UBR3: variants seen among roughly 807,000 people sequenced by gnomAD.
The protein encoded by UBR3 is ubiquitin protein ligase E3 component n-recognin 3.
A neutral mutation model predicts 243.2 loss-of-function variants in UBR3; 85 were observed. That is an observed-to-expected ratio of 0.35 (90% CI 0.29 to 0.42). The LOEUF (loss-of-function observed/expected upper bound fraction) is 0.42. Among genes scored for constraint, UBR3 ranks in the 10% least tolerant of loss-of-function variants. UBR3 has a pLI of 1.00. For synonymous variants in UBR3, 748 were observed against 799.8 expected, an observed-to-expected ratio of 0.94 and a Z score of 1.09; for missense variants, 1,686 against 2,300.8, an observed-to-expected ratio of 0.73 and a Z score of 5.47.
intron 5 of UBR3, among the ~76,000 whole-genome samples, chr2:169,879,900 A>T (rs2105315476): frequency 6.6e-6 from 1 of 152,240 alleles, no homozygotes; most frequent in East Asian, 1.9e-4. Context: ...TTTCAAAAAC[A>T]TATAAACATT....
chr2:170,033,338 G>A (rs1047786891), intron 31 of UBR3, among the ~76,000 whole-genome samples: 8 of 151,704 alleles, frequency 5.3e-5, no homozygotes, highest in African/African-American at 7.3e-5. Flanking sequence ...TCATTTAATC[G>A]TCAATAATAA....
intron 31 of UBR3, among the ~76,000 whole-genome samples, chr2:170,031,822 AG>A (rs2090679709): frequency 6.6e-6 from 1 of 152,182 alleles, no homozygotes; most frequent in Non-Finnish European, 1.5e-5. Flanking sequence ...CATGGCCTCC[AG>A]CTGCATCCAT....
chr2:169,974,819 C>T (rs1456100299), intron 24 of UBR3, among the ~76,000 whole-genome samples: 1 of 152,098 alleles, frequency 6.6e-6, no homozygotes, highest in Non-Finnish European at 1.5e-5. Flanking sequence ...TTTAATTCTA[C>T]TTTTGCTGTA....
chr2:169,931,739 A>G (rs562244819), intron 18 of UBR3, among the ~76,000 whole-genome samples: 7 of 152,234 alleles, frequency 4.6e-5, no homozygotes, highest in African/African-American at 1.7e-4. Flanking sequence ...GTATTTCACT[A>G]TTTTTTAAAA....
intron 33 of UBR3, among the ~76,000 whole-genome samples, chr2:170,057,443 T>A (rs1257146451): frequency 6.6e-6 from 1 of 152,196 alleles, no homozygotes; most frequent in Non-Finnish European, 1.5e-5. Flanking sequence ...ATTCTTTTAA[T>A]TTTTCTGACT....
intron 1 of UBR3, among the ~76,000 whole-genome samples, chr2:169,866,500 T>C (rs2083269938): frequency 6.6e-6 from 1 of 151,888 alleles, no homozygotes; most frequent in Non-Finnish European, 1.5e-5. Context: ...ATAGCTGGGA[T>C]TACAGGCATA....
At chr2:169,909,066 G>C (rs1390086165) in intron 10 of UBR3, among the ~76,000 whole-genome samples, 1 of 151,744 alleles carries the variant, frequency 6.6e-6, no homozygotes, top group Non-Finnish European at 1.5e-5. Flanking sequence ...CTCGTGATCC[G>C]CCTGCCTCGG....
chr2:170,036,849 C>G (rs2090845064), intron 31 of UBR3, among the ~76,000 whole-genome samples: 1 of 152,012 alleles, frequency 6.6e-6, no homozygotes, highest in Non-Finnish European at 1.5e-5. Context: ...TTTCATGTAG[C>G]CAGATCAATC....
chr2:170,083,524 A>T lies in UBR3; in HGVS notation c.*1681A>T, dbSNP rs952173510. Reference sequence around the variant, plus strand: ...TTTTGCATTGATCGTTATGAATACCAGACCATTTGTAAGTGTGGTTGAAGA... The same window carrying T: ...TTTTGCATTGATCGTTATGAATACCTGACCATTTGTAAGTGTGGTTGAAGA... On this transcript the variant is annotated 3_prime_UTR_variant, in exon 39 of 39. Coordinates refer to ENST00000272793, the MANE Select transcript of UBR3 (RefSeq NM_172070.4). 1 of 152,602 alleles carries T rather than the reference A, an allele frequency of 6.6e-6. No homozygotes were observed. Among genetic ancestry groups the T allele is most frequent in the Non-Finnish European group, 1.5e-5 (1 of 68,008 alleles). 9.5% of individuals were successfully genotyped at this position (152,602 alleles called of 1,614,324 possible).
intron 1 of UBR3, among the ~76,000 whole-genome samples, chr2:169,835,936 C>T (rs1322896924): frequency 6.7e-6 from 1 of 148,896 alleles, no homozygotes; most frequent in Non-Finnish European, 1.5e-5. Flanking sequence ...ACCCACCTTT[C>T]CCTTTCTCTT....
intron 31 of UBR3, among the ~76,000 whole-genome samples, chr2:170,030,781 C>T (rs761031666): frequency 3.3e-5 from 5 of 152,002 alleles, no homozygotes; most frequent in Non-Finnish European, 5.9e-5. Context: ...TATTTAAAGA[C>T]TGCTTTTTTC....
chr2:170,063,466 CTTTG>C (rs137927907), intron 35 of UBR3, among the ~76,000 whole-genome samples: 27,369 of 151,930 alleles, frequency 0.18, 2,668 homozygotes, highest in South Asian at 0.35. Flanking sequence ...TGTAATCTTA[CTTTG>C]TTTGTGTATA....
chr2:169,866,400 G>C (rs1048355364), intron 1 of UBR3, among the ~76,000 whole-genome samples: 4 of 149,646 alleles, frequency 2.7e-5, no homozygotes, highest in African/African-American at 9.9e-5. Flanking sequence ...GTCTTGCTCT[G>C]TCATCCAGGC....
intron 5 of UBR3, among the ~76,000 whole-genome samples, chr2:169,880,170 C>G (rs1297595405): frequency 6.6e-6 from 1 of 152,042 alleles, no homozygotes; most frequent in Non-Finnish European, 1.5e-5. Flanking sequence ...GAGCAGGGGT[C>G]TTATATCTGT....
intron 31 of UBR3, among the ~76,000 whole-genome samples, chr2:170,030,233 TC>T (rs1289117869): frequency 3.3e-5 from 5 of 152,152 alleles, no homozygotes; most frequent in Non-Finnish European, 5.9e-5. Context: ...ATCCTCACTT[TC>T]TGGTACAAGT....
At chr2:169,931,250 C>T (rs2086112793) in intron 18 of UBR3, among the ~76,000 whole-genome samples, 1 of 146,996 alleles carries the variant, frequency 6.8e-6, no homozygotes, top group African/African-American at 2.5e-5. Context: ...ACTCAGGAGG[C>T]TGAGGCAGGA....
intron 35 of UBR3, among the ~76,000 whole-genome samples, chr2:170,068,190 G>T (rs928854518): frequency 2.6e-5 from 4 of 152,092 alleles, no homozygotes; most frequent in Admixed American, 2.6e-4. Context: ...AAAAAGAAGG[G>T]CCAGGCACAG....
At chr2:170,075,246 A>G (rs1039813670) in intron 36 of UBR3, among the ~76,000 whole-genome samples, 3 of 152,108 alleles carry the variant, frequency 2.0e-5, no homozygotes, top group African/African-American at 7.2e-5. Flanking sequence ...TGCATATTAC[A>G]TATACAAATA....
chr2:169,927,528 G>T, intron 17 of UBR3, 123 bp downstream of exon 17: 2 of 729,644 alleles, frequency 2.7e-6, no homozygotes, highest in Non-Finnish European at 2.1e-6. Context: ...TATAGAAAAA[G>T]AAGAACACCA....
Sources: gnomAD v4.1 joint callset for allele counts (sites outside exome capture counted in the v4.1 genomes callset) on GRCh38, gnomAD v4.1.1 for gene constraint, MANE v1.5 for transcripts, NCBI Gene and HGNC (gene_info 2026-07-23, HGNC 2026-07-21) for gene names.